TMPRSS15: variants seen among roughly 807,000 people sequenced by gnomAD.
TMPRSS15 encodes enteropeptidase.
In TMPRSS15, 128 loss-of-function variants were observed where a neutral mutation model predicts 125.3. The observed-to-expected ratio is 1.02, with a 90% confidence interval of 0.89 to 1.18. The LOEUF (loss-of-function observed/expected upper bound fraction) is 1.18. Ranked by LOEUF, TMPRSS15 falls within the 50% of genes most tolerant of loss-of-function variation. The probability of loss-of-function intolerance (pLI) is 0.00; values close to 1 mark genes in which losing one functional copy is unlikely to be tolerated. For synonymous variants in TMPRSS15, 446 were observed against 423.2 expected (o/e 1.05, Z -0.66); for missense variants, 1,283 against 1,212.7 (o/e 1.06, Z -0.86).
At chr21:18,370,052 G>C (rs1312245022) in intron 6 of TMPRSS15, among the ~76,000 whole-genome samples, 1 of 150,814 alleles carries the variant, frequency 6.6e-6, no homozygotes, top group African/African-American at 2.4e-5. Flanking sequence ...ATGAAAGGCT[G>C]GTCACTACTA....
chr21:18,361,615 A>C (rs973039616), intron 7 of TMPRSS15, among the ~76,000 whole-genome samples: 6 of 152,110 alleles, frequency 3.9e-5, no homozygotes, highest in African/African-American at 1.4e-4. Context: ...TTCTTCACAG[A>C]GTTAGTTAAT....
intron 16 of TMPRSS15, among the ~76,000 whole-genome samples, chr21:18,322,170 G>A (rs1235337994): frequency 6.6e-6 from 1 of 152,094 alleles, no homozygotes; most frequent in East Asian, 1.9e-4. Flanking sequence ...CAAAATCTTT[G>A]ACATTGTGTT....
chr21:18,414,104 A>G (rs906466855), intron 1 of TMPRSS15, among the ~76,000 whole-genome samples: 2 of 152,196 alleles, frequency 1.3e-5, no homozygotes, highest in African/African-American at 4.8e-5. Flanking sequence ...TGTCATTAGA[A>G]TGTTAAGATA....
At chr21:18,377,994 T>G (rs1233873161) in intron 5 of TMPRSS15, among the ~76,000 whole-genome samples, 1 of 152,182 alleles carries the variant, frequency 6.6e-6, no homozygotes, top group African/African-American at 2.4e-5. Context: ...TGTTTCTACC[T>G]AATTCATTGT....
At chr21:18,286,366 T>A (rs2074764648) in intron 21 of TMPRSS15, among the ~76,000 whole-genome samples, 1 of 152,256 alleles carries the variant, frequency 6.6e-6, no homozygotes, top group Non-Finnish European at 1.5e-5. Flanking sequence ...TTTTAATTCT[T>A]GACTTCTTCC....
intron 1 of TMPRSS15, chr21:18,460,455 AC>A (rs1351702131): frequency 6.6e-6 from 1 of 152,152 alleles, no homozygotes; most frequent in Non-Finnish European, 1.5e-5. Flanking sequence ...TTAATATTTT[AC>A]CTAAGTTATT....
chr21:18,399,276 A>T (rs2076072363), intron 1 of TMPRSS15, among the ~76,000 whole-genome samples: 1 of 152,136 alleles, frequency 6.6e-6, no homozygotes, highest in Non-Finnish European at 1.5e-5. Context: ...GAATTTGGTC[A>T]TTGAAATGAC....
intron 7 of TMPRSS15, among the ~76,000 whole-genome samples, chr21:18,361,244 G>C (rs1310939834): frequency 6.6e-6 from 1 of 152,060 alleles, no homozygotes; most frequent in Non-Finnish European, 1.5e-5. Context: ...TCATTAAAGT[G>C]TTATAATCAG....
chr21:18,349,668 T>C (rs973168150), intron 10 of TMPRSS15, among the ~76,000 whole-genome samples: 4 of 152,176 alleles, frequency 2.6e-5, no homozygotes, highest in African/African-American at 7.2e-5. Context: ...ATCACAGGTA[T>C]GGGAGTTGGA....
chr21:18,363,488 A>G (rs1283477225), intron 7 of TMPRSS15, among the ~76,000 whole-genome samples: 1 of 152,110 alleles, frequency 6.6e-6, no homozygotes, highest in Non-Finnish European at 1.5e-5. Context: ...TAGCAATTAA[A>G]TTATTTTTAT....
At chr21:18,462,285 G>A (rs1175409563) in intron 1 of TMPRSS15, among the ~76,000 whole-genome samples, 1 of 152,086 alleles carries the variant, frequency 6.6e-6, no homozygotes, top group Non-Finnish European at 1.5e-5. Flanking sequence ...AAAACACAAT[G>A]TGGTAAATTA....
At chr21:18,384,275 C>T (rs2075921774) in intron 3 of TMPRSS15, among the ~76,000 whole-genome samples, 1 of 152,128 alleles carries the variant, frequency 6.6e-6, no homozygotes, top group Non-Finnish European at 1.5e-5. Context: ...TAATCTATAT[C>T]TCCCTCTTCT....
At chr21:18,300,625 G>A (rs1383534008) in intron 18 of TMPRSS15, among the ~76,000 whole-genome samples, 1 of 152,046 alleles carries the variant, frequency 6.6e-6, no homozygotes, top group East Asian at 1.9e-4. Context: ...GATTACAGGT[G>A]TGAGCCACCA....
At chr21:18,323,877 T>C (rs2075264701) in intron 16 of TMPRSS15, among the ~76,000 whole-genome samples, 1 of 152,192 alleles carries the variant, frequency 6.6e-6, no homozygotes, top group South Asian at 2.1e-4. Context: ...GAACCTTGTA[T>C]ATTTTTTAGT....
chr21:18,383,848 T>A (rs1473047095), intron 3 of TMPRSS15, 70 bp from the exon 4 acceptor site: 1 of 1,537,072 alleles, frequency 6.5e-7, no homozygotes, highest in African/African-American at 1.4e-5. Flanking sequence ...CAATTCATGT[T>A]AAATGTCTTT....
intron 1 of TMPRSS15, among the ~76,000 whole-genome samples, chr21:18,430,882 T>C (rs2076215365): frequency 6.6e-6 from 1 of 152,212 alleles, no homozygotes; most frequent in Non-Finnish European, 1.5e-5. Context: ...AGAGTTCTTT[T>C]GGTCTTAAAA....
chr21:18,269,271 T>A lies in TMPRSS15; in HGVS notation c.*698A>T, dbSNP rs1028194466. The A allele has an allele frequency of 6.6e-6, 1 of 152,246 alleles. No individual in the cohort carries two copies. The highest frequency in any genetic ancestry group is 2.4e-5 in the African/African-American group (1 of 41,466). The allele number at this position is 152,246 out of a possible 1,614,324, so 9.4% of individuals were successfully genotyped here. A position where few individuals can be genotyped will look rare whatever the true frequency, so the allele number is the denominator to read the frequency against. On this transcript the variant is annotated 3_prime_UTR_variant, in exon 25 of 25. Transcript: ENST00000284885. ...CATTTCTTTGGTATGTCTGATTATT[T>A]TCTTGAGACTTAAAAATACTTGCTT...
chr21:18,313,349 C>A lies in TMPRSS15; in HGVS notation c.2033-272G>T, dbSNP rs143954180. ...ATCATTCCTCAATCTCTCTCTCTCTCTATATATATATACACACTTTTTAAA... is the reference window on the plus strand; with the variant it reads ...ATCATTCCTCAATCTCTCTCTCTCTATATATATATATACACACTTTTTAAA... On this transcript the variant is annotated intron_variant, in intron 17 of 24. Transcript: ENST00000284885. Among the ~76,000 whole-genome samples, 1,307 of 149,430 alleles carry A rather than the reference C, an allele frequency of 8.7e-3. 8 individuals are homozygous for A. Among genetic ancestry groups the A allele is most frequent in the Middle Eastern group, 0.014 (4 of 286 alleles).
intron 16 of TMPRSS15, among the ~76,000 whole-genome samples, chr21:18,316,884 G>A (rs1277642264): frequency 6.6e-6 from 1 of 152,112 alleles, no homozygotes; most frequent in Non-Finnish European, 1.5e-5. Context: ...TGGAAGGAGA[G>A]TAGGAACTCC....
Sources: allele counts gnomAD v4.1 joint callset (sites outside exome capture counted in the v4.1 genomes callset), GRCh38; gene constraint gnomAD v4.1.1; transcripts MANE v1.5; gene names NCBI Gene and HGNC (gene_info 2026-07-23, HGNC 2026-07-21).